MSN: variants seen among roughly 807,000 people sequenced by gnomAD.
MSN encodes moesin.
Under a neutral mutation model 48.0 loss-of-function variants are expected in MSN, and 2 were observed. The observed-to-expected ratio is 0.04, with a 90% CI of 0.02 to 0.13. The LOEUF is 0.13. MSN is among the 10% of genes least tolerant of loss of function. The probability of loss-of-function intolerance (pLI) is 1.00; values close to 1 mark genes in which losing one functional copy is unlikely to be tolerated. For synonymous variants in MSN, 146 were observed against 166.9 expected, an observed-to-expected ratio of 0.87 and a Z score of 0.97; for missense variants, 267 against 470.1, an observed-to-expected ratio of 0.57 and a Z score of 3.99.
At chrX:65,695,528 A>C (rs998184669) in intron 1 of MSN, among the ~76,000 whole-genome samples, 3 of 107,711 alleles carry the variant, frequency 2.8e-5, no homozygotes, top group Non-Finnish European at 5.8e-5. Flanking sequence ...AAAAAAAAAA[A>C]AAAAAACAAA....
intron 1 of MSN, among the ~76,000 whole-genome samples, chrX:65,618,507 T>G (rs1233865547): frequency 1.8e-5 from 2 of 111,498 alleles, no homozygotes; most frequent in African/African-American, 6.5e-5. Flanking sequence ...AAAGTCTGTT[T>G]TATCAGAGAC....
chrX:65,614,233 T>A (rs1390761548), intron 1 of MSN, among the ~76,000 whole-genome samples: 1 of 111,686 alleles, frequency 9.0e-6, no homozygotes, highest in Non-Finnish European at 1.9e-5. Flanking sequence ...GGTCTATATA[T>A]CTGTTTTGGT....
chrX:65,701,899 A>G (rs1474213925), intron 1 of MSN, among the ~76,000 whole-genome samples: 1 of 111,282 alleles, frequency 9.0e-6, no homozygotes, highest in African/African-American at 3.3e-5. Context: ...TCCCTGCACT[A>G]CTTTACAAAT....
At chrX:65,636,590 C>CA (rs1290107319) in intron 1 of MSN, among the ~76,000 whole-genome samples, 1 of 106,992 alleles carries the variant, frequency 9.3e-6, no homozygotes, top group Non-Finnish European at 1.9e-5. Context: ...ACTGAAAATA[C>CA]AAAAAAATTA....
upstream of MSN, among the ~76,000 whole-genome samples, chrX:65,665,858 C>G (rs1212435611): frequency 9.0e-6 from 1 of 111,581 alleles, no homozygotes. Context: ...GTGTCCTGAC[C>G]TCTCAAGTAT....
rs778032286 is a variant in MSN at position 65,599,581 on chromosome X, C to T, written c.-22+10969C>T. Among the ~76,000 whole-genome samples, 43 of 112,511 alleles carry T rather than the reference C, an allele frequency of 3.8e-4. No individual in the cohort carries two copies. In the East Asian group the frequency reaches 3.9e-3, roughly 10 times the overall value. On this transcript the variant is annotated intron_variant, in intron 1 of 3. Coordinates refer to the MSN transcript ENST00000609672. ...CCGTAAGGCGGAGGTTGCAGTGAGC[C>T]GAGATAGCGCCATGACACTCCATTG...
chrX:65,699,896 CACTTG>C (rs1350261976), intron 1 of MSN, among the ~76,000 whole-genome samples: 1 of 111,409 alleles, frequency 9.0e-6, no homozygotes, highest in Non-Finnish European at 1.9e-5. Flanking sequence ...ATTTCTTTCA[CACTTG>C]AGCATGTTGC....
At chrX:65,640,295 C>G (rs2070638719) in intron 1 of MSN, among the ~76,000 whole-genome samples, 1 of 111,845 alleles carries the variant, frequency 8.9e-6, no homozygotes, top group Admixed American at 9.5e-5. Flanking sequence ...AATCCCAGCA[C>G]TTTGGGAGGC....
intron 1 of MSN, among the ~76,000 whole-genome samples, chrX:65,626,886 G>T (rs1448058772): frequency 8.9e-6 from 1 of 111,769 alleles, no homozygotes; most frequent in Non-Finnish European, 1.9e-5. Flanking sequence ...TATGATTTGT[G>T]ATTAATACCT....
intron 1 of MSN, among the ~76,000 whole-genome samples, chrX:65,614,769 A>C (rs2070352707): frequency 9.8e-6 from 1 of 102,074 alleles, no homozygotes; most frequent in African/African-American, 3.6e-5. Context: ...TTAGTTACAA[A>C]TGTATACATG....
intron 1 of MSN, among the ~76,000 whole-genome samples, chrX:65,622,083 CTTCTT>C (rs1173602072): frequency 3.0e-5 from 3 of 101,507 alleles, no homozygotes; most frequent in South Asian, 4.1e-4. Flanking sequence ...AGTTTTATTT[CTTCTT>C]TTCTTTTCTT....
At chrX:65,597,986 T>C in intron 1 of MSN, among the ~76,000 whole-genome samples, 1 of 111,686 alleles carries the variant, frequency 9.0e-6, no homozygotes, top group Non-Finnish European at 1.9e-5. Flanking sequence ...CATCCTGCTG[T>C]CTTCCTCCTT....
intron 1 of MSN, among the ~76,000 whole-genome samples, chrX:65,645,862 A>G (rs923915193): frequency 2.7e-5 from 3 of 111,391 alleles, no homozygotes; most frequent in Non-Finnish European, 5.7e-5. Flanking sequence ...ACTAATTCCT[A>G]TCTGTTCTGT....
chrX:65,624,791 AAAAG>A (rs1458846917), intron 1 of MSN: 3 of 108,683 alleles, frequency 2.8e-5, no homozygotes, highest in Non-Finnish European at 5.7e-5. Context: ...GTCAAAAAAA[AAAAG>A]AAAGAAGAAA....
intron 1 of MSN, among the ~76,000 whole-genome samples, chrX:65,684,808 A>AGCACAC (rs1022107153): frequency 2.4e-4 from 27 of 112,702 alleles, no homozygotes; most frequent in Non-Finnish European, 3.4e-4. Flanking sequence ...GTGTGATCAT[A>AGCACAC]GCACACTGTA....
At chrX:65,716,941 T>C (rs1363198471) in intron 2 of MSN, 40 bp downstream of exon 2, 3 of 1,097,957 alleles carry the variant, frequency 2.7e-6, no homozygotes, top group African/African-American at 3.7e-5. Context: ...CTTCTCTGAA[T>C]AGCTTCCACC....
intron 1 of MSN, among the ~76,000 whole-genome samples, chrX:65,622,105 T>A (rs1226244011): frequency 9.4e-6 from 1 of 106,548 alleles, no homozygotes; most frequent in Admixed American, 1.0e-4. Flanking sequence ...TCTTTTTTTT[T>A]TTTTTTTGAG....
chrX:65,701,723 T>C (rs190503275), intron 1 of MSN, among the ~76,000 whole-genome samples: 8 of 112,052 alleles, frequency 7.1e-5, no homozygotes, highest in Admixed American at 6.6e-4. Context: ...ACGTTACAAG[T>C]TGAAATTTAA....
rs1475217925 is a variant in MSN, at chrX:65,740,885, T to A, written c.*992T>A. 12 of 169,360 alleles carry A rather than the reference T, an allele frequency of 7.1e-5. No homozygotes were observed. The highest frequency in any genetic ancestry group is 4.0e-4 in the Admixed American group (5 of 12,444). The allele number at this position is 169,360 out of a possible 1,213,427, so 14.0% of individuals were successfully genotyped here. ...TATTTTCCCTGCTAGGGGTTTTAGG[T>A]CTCTTCCCCTCTCAGAGCTACTTGG... On this transcript the variant is annotated 3_prime_UTR_variant, in exon 13 of 13. Coordinates refer to ENST00000360270, the MANE Select transcript of MSN (RefSeq NM_002444.3).
Sources: allele counts gnomAD v4.1 joint callset (sites outside exome capture counted in the v4.1 genomes callset), GRCh38; gene constraint gnomAD v4.1.1; transcripts MANE v1.5; gene names NCBI Gene and HGNC (gene_info 2026-07-23, HGNC 2026-07-21).